The following RMI1 variants were observed in gnomAD, a reference collection of about 807,000 sequenced individuals.
The protein encoded by RMI1 is RecQ mediated genome instability 1, also known as recQ-mediated genome instability protein 1.
Under a neutral mutation model 46.7 loss-of-function variants are expected in RMI1, and 36 were observed. The ratio of observed to expected loss-of-function variants is 0.77; its 90% CI spans 0.59 to 1.02. The LOEUF (loss-of-function observed/expected upper bound fraction) is 1.02. Ranked by LOEUF, RMI1 falls within the 50% of genes least tolerant of loss-of-function variation. The pLI, the probability that RMI1 is intolerant of heterozygous loss-of-function variation, is 0.00. For missense variants in RMI1, 676 were observed against 713.7 expected (o/e 0.95, Z 0.60); for synonymous variants, 250 against 252.9 (o/e 0.99, Z 0.11).
intron 1 of RMI1, among the ~76,000 whole-genome samples, chr9:83,999,308 G>A (rs945042886): frequency 6.6e-6 from 1 of 152,056 alleles, no homozygotes; most frequent in African/African-American, 2.4e-5. Flanking sequence ...TGTGTGCCAG[G>A]TGCTGCTTTT....
At chr9:83,986,175 A>G (rs1957487836) in intron 1 of RMI1, among the ~76,000 whole-genome samples, 1 of 152,252 alleles carries the variant, frequency 6.6e-6, no homozygotes, top group African/African-American at 2.4e-5. Context: ...AAGGAAAAGT[A>G]GTACTTAACC....
chr9:83,981,460 G>C (rs1957392055), intron 1 of RMI1, among the ~76,000 whole-genome samples: 1 of 152,182 alleles, frequency 6.6e-6, no homozygotes, highest in Non-Finnish European at 1.5e-5. Context: ...TCCTGTTCTA[G>C]CGGGTTCAGC....
At chr9:83,991,830 C>A (rs1957579444) in intron 1 of RMI1, among the ~76,000 whole-genome samples, 1 of 152,090 alleles carries the variant, frequency 6.6e-6, no homozygotes, top group Non-Finnish European at 1.5e-5. Context: ...GTCCTTTCTT[C>A]CTATTTTCCA....
chr9:84,000,796 A>G (rs545656233), intron 2 of RMI1, among the ~76,000 whole-genome samples, 155 bp from the exon 3 acceptor site: 5 of 152,262 alleles, frequency 3.3e-5, no homozygotes, highest in Admixed American at 3.3e-4. Flanking sequence ...TTCTCATTTT[A>G]CCATCTGATT....
intron 1 of RMI1, among the ~76,000 whole-genome samples, chr9:83,991,338 A>C: frequency 6.7e-6 from 1 of 150,056 alleles, no homozygotes; most frequent in South Asian, 2.1e-4. Context: ...TTTTTTAGAG[A>C]CAGGTTCTCA....
chr9:83,995,452 G>C (rs1957636511), intron 1 of RMI1, among the ~76,000 whole-genome samples: 1 of 135,556 alleles, frequency 7.4e-6, no homozygotes, highest in African/African-American at 2.7e-5. Flanking sequence ...ATTGAGACAA[G>C]AGTCTCACTC....
At chr9:83,990,185 G>A (rs902880569) in intron 1 of RMI1, among the ~76,000 whole-genome samples, 1 of 152,110 alleles carries the variant, frequency 6.6e-6, no homozygotes, top group African/African-American at 2.4e-5. Flanking sequence ...GGGTAGGGGG[G>A]CAAAGGGTAG....
At chr9:83,997,664 C>T (rs558070064) in intron 1 of RMI1, among the ~76,000 whole-genome samples, 1 of 152,232 alleles carries the variant, frequency 6.6e-6, no homozygotes, top group South Asian at 2.1e-4. Flanking sequence ...ATGAGAGCAG[C>T]ACTGAGGGGG....
chr9:84,001,840 T>C lies in RMI1; in HGVS notation c.854T>C (p.Phe285Ser). The part of the protein sequence containing the change: ...SNTIPTRQSS[F>S]EPEFVISPRP... ...ACCATTCCCACAAGACAGTCAAGTT[T>C]TGAGCCAGAATTTGTTATTTCTCCA... is the stretch of plus-strand genomic sequence containing the variant. The change falls in exon 3 of 3, where the codon TTT becomes TCT. Residue 285 changes from phenylalanine (F) to serine (S), a missense_variant. By Grantham distance (155) the Phe-to-Ser change is radical. Coordinates refer to ENST00000445877, the MANE Select transcript of RMI1 (RefSeq NM_001358291.2). 9 of 1,614,102 alleles carry C rather than the reference T, an allele frequency of 5.6e-6. No individual in the cohort carries two copies. Among genetic ancestry groups the C allele is most frequent in the Non-Finnish European group, 7.6e-6 (9 of 1,179,964 alleles).
chr9:83,985,271 C>G (rs868148809), intron 1 of RMI1, among the ~76,000 whole-genome samples: 24 of 152,108 alleles, frequency 1.6e-4, no homozygotes, highest in Admixed American at 1.2e-3. Flanking sequence ...TTAAGACATG[C>G]AGTTGTAGGA....
chr9:83,988,431 G>A (rs556153338), intron 1 of RMI1, among the ~76,000 whole-genome samples: 19 of 152,310 alleles, frequency 1.2e-4, no homozygotes, highest in African/African-American at 3.8e-4. Context: ...AGGCTTCTGA[G>A]TAGCTGGGAC....
At chr9:83,981,716 G>C (rs1334910864) in intron 1 of RMI1, among the ~76,000 whole-genome samples, 1 of 152,162 alleles carries the variant, frequency 6.6e-6, no homozygotes, top group African/African-American at 2.4e-5. Context: ...ACCATTGGCC[G>C]AATACATGCA....
chr9:83,990,236 G>T (rs1957549852), intron 1 of RMI1, among the ~76,000 whole-genome samples: 1 of 152,172 alleles, frequency 6.6e-6, no homozygotes, highest in African/African-American at 2.4e-5. Flanking sequence ...ACAGTTAGAG[G>T]CCGGGCGCAG....
chr9:84,000,960 G>A lies in RMI1; in HGVS notation c.-27G>A, dbSNP rs1343800854. ...TGTTTTTTGTTTTCAGGTAATAGAT[G>A]CATATTATTTCTTTTATTTAAAAGA... On this transcript the variant is annotated 5_prime_UTR_variant, in exon 3 of 3. The change abolishes an upstream ATG in the 5' untranslated region. Coordinates refer to ENST00000445877, the MANE Select transcript of RMI1 (RefSeq NM_001358291.2). 5 of 1,517,546 alleles carry A rather than the reference G, an allele frequency of 3.3e-6. No individual in the cohort carries two copies. Among genetic ancestry groups the A allele is most frequent in the Non-Finnish European group, 4.4e-6 (5 of 1,126,370 alleles). 94.0% of individuals were successfully genotyped at this position (1,517,546 alleles called of 1,614,324 possible). A position where few individuals can be genotyped will look rare whatever the true frequency, so the allele number is the denominator to read the frequency against.
intron 1 of RMI1, among the ~76,000 whole-genome samples, chr9:83,990,569 T>C (rs1181626140): frequency 6.6e-6 from 1 of 151,530 alleles, no homozygotes. Flanking sequence ...GCATTGTGGC[T>C]ATAGTTAACA....
intron 1 of RMI1, among the ~76,000 whole-genome samples, chr9:83,986,422 T>C (rs998715572): frequency 4.6e-5 from 7 of 152,190 alleles, no homozygotes; most frequent in Admixed American, 3.3e-4. Flanking sequence ...ATTGAGGGAC[T>C]GGTTTTACTT....
chr9:83,983,079 G>A (rs1400300458), intron 1 of RMI1, among the ~76,000 whole-genome samples: 1 of 152,188 alleles, frequency 6.6e-6, no homozygotes, highest in African/African-American at 2.4e-5. Context: ...ATATAATTGA[G>A]AATGTACACT....
At chr9:83,999,350 G>C (rs1281035535) in intron 1 of RMI1, among the ~76,000 whole-genome samples, 1 of 152,042 alleles carries the variant, frequency 6.6e-6, no homozygotes, top group Non-Finnish European at 1.5e-5. Flanking sequence ...TAACAAGCCT[G>C]AGGAAAATCC....
chr9:83,990,256 C>A (rs1474603083), intron 1 of RMI1, among the ~76,000 whole-genome samples: 2 of 152,158 alleles, frequency 1.3e-5, no homozygotes, highest in African/African-American at 4.8e-5. Context: ...GTGGCTCATG[C>A]CTGTAATCCC....
Sources: gnomAD v4.1 joint callset for allele counts (sites outside exome capture counted in the v4.1 genomes callset) on GRCh38, gnomAD v4.1.1 for gene constraint, MANE v1.5 for transcripts, NCBI Gene and HGNC (gene_info 2026-07-23, HGNC 2026-07-21) for gene names.